The following POU6F2 variants were observed in gnomAD, a reference collection of about 807,000 sequenced individuals.
POU6F2 encodes the protein POU domain, class 6, transcription factor 2.
In POU6F2, 31 loss-of-function variants were observed where a neutral mutation model predicts 71.3. That is an observed-to-expected ratio of 0.43 (90% CI 0.33 to 0.59). POU6F2 has a LOEUF of 0.59. POU6F2 is among the 20% of genes least tolerant of loss of function. The pLI is 0.04. For synonymous variants in POU6F2, 347 were observed against 355.7 expected (o/e 0.98, Z 0.27); for missense variants, 783 against 856.8 (o/e 0.91, Z 1.07).
At chr7:39,200,531 C>T (rs530042354) in intron 2 of POU6F2, among the ~76,000 whole-genome samples, 5 of 152,178 alleles carry the variant, frequency 3.3e-5, no homozygotes, top group South Asian at 4.1e-4. Flanking sequence ...ACTATTTAGT[C>T]GAGTTCCAAA....
intron 4 of POU6F2, among the ~76,000 whole-genome samples, chr7:39,224,523 T>C (rs1431783629): frequency 6.6e-6 from 1 of 152,200 alleles, no homozygotes; most frequent in Non-Finnish European, 1.5e-5. Flanking sequence ...AGCAGAATGC[T>C]ACTGAGAGTT....
At chr7:39,054,552 T>A (rs1411889578) in intron 1 of POU6F2, among the ~76,000 whole-genome samples, 1 of 152,090 alleles carries the variant, frequency 6.6e-6, no homozygotes, top group Non-Finnish European at 1.5e-5. Flanking sequence ...AAAGTAAATG[T>A]GAATGAATAC....
intron 1 of POU6F2, among the ~76,000 whole-genome samples, chr7:39,031,339 A>C (rs1294634117): frequency 1.3e-5 from 2 of 152,172 alleles, no homozygotes; most frequent in East Asian, 3.9e-4. Context: ...ATTTTGTTGG[A>C]AGTTTAGTAC....
chr7:39,396,200 A>G (rs941425603), intron 5 of POU6F2, among the ~76,000 whole-genome samples: 2 of 152,250 alleles, frequency 1.3e-5, no homozygotes, highest in African/African-American at 4.8e-5. Flanking sequence ...GTGTGTCTCC[A>G]TAATGCTGAC....
chr7:39,457,475 C>T (rs2116148576), intron 8 of POU6F2, among the ~76,000 whole-genome samples: 1 of 152,322 alleles, frequency 6.6e-6, no homozygotes, highest in East Asian at 1.9e-4. Flanking sequence ...GGAGCCCCTC[C>T]TCAACAGACC....
At chr7:39,023,931 T>G (rs1236787477) in intron 1 of POU6F2, among the ~76,000 whole-genome samples, 1 of 152,234 alleles carries the variant, frequency 6.6e-6, no homozygotes, top group South Asian at 2.1e-4. Context: ...ACACTAAAAC[T>G]TCTTTTGAGT....
intron 4 of POU6F2, among the ~76,000 whole-genome samples, chr7:39,324,127 A>C (rs1247627862): frequency 6.6e-6 from 1 of 152,052 alleles, no homozygotes. Flanking sequence ...AAAAGAAAAA[A>C]AAAAGGCTCT....
rs1424039411 is a variant in POU6F2 at position 39,467,951 on chromosome 7, T to C, written c.*3265T>C. ...CTCGCAATACTAAACTGTTCCTATTTTAAGAAAAAAAAAAGAAATACAAAC... is the reference window on the plus strand; with the variant it reads ...CTCGCAATACTAAACTGTTCCTATTCTAAGAAAAAAAAAAGAAATACAAAC... On this transcript the variant is annotated 3_prime_UTR_variant, in exon 10 of 10. Transcript: ENST00000518318. 2 of 152,008 alleles carry C rather than the reference T, an allele frequency of 1.3e-5. No individual in the cohort carries two copies. Among genetic ancestry groups the C allele is most frequent in the Non-Finnish European group, 2.9e-5 (2 of 68,000 alleles). 9.4% of individuals were successfully genotyped at this position (152,008 alleles called of 1,614,324 possible).
intron 6 of POU6F2, among the ~76,000 whole-genome samples, chr7:39,423,162 G>A (rs913679933): frequency 1.4e-4 from 22 of 152,144 alleles, no homozygotes; most frequent in African/African-American, 5.3e-4. Flanking sequence ...TAAAGTCATT[G>A]ACAGTTGCAG....
chr7:39,385,976 G>A (rs544423019), intron 5 of POU6F2, among the ~76,000 whole-genome samples: 1 of 152,226 alleles, frequency 6.6e-6, no homozygotes, highest in East Asian at 1.9e-4. Context: ...TAATTAGCCA[G>A]GTGTGGTGGC....
intron 1 of POU6F2, among the ~76,000 whole-genome samples, chr7:39,049,534 A>G (rs1790363257): frequency 6.6e-6 from 1 of 151,946 alleles, no homozygotes; most frequent in African/African-American, 2.4e-5. Flanking sequence ...ACTTTATATT[A>G]TTTCAATCCT....
At chr7:39,069,490 T>C (rs953620945) in intron 1 of POU6F2, among the ~76,000 whole-genome samples, 1 of 152,186 alleles carries the variant, frequency 6.6e-6, no homozygotes, top group Non-Finnish European at 1.5e-5. Context: ...GATTTTATTT[T>C]AGCTGAAGGA....
chr7:39,404,520 ATACT>A (rs1420155668), intron 5 of POU6F2: 2 of 152,228 alleles, frequency 1.3e-5, no homozygotes, highest in African/African-American at 4.8e-5. Flanking sequence ...CTGTATGTAG[ATACT>A]TAAATTGTTC....
chr7:39,440,062 G>A (rs1308773475), intron 7 of POU6F2, among the ~76,000 whole-genome samples: 1 of 152,210 alleles, frequency 6.6e-6, no homozygotes, highest in African/African-American at 2.4e-5. Flanking sequence ...CTGTTAGTGG[G>A]ATGGGCTTCC....
intron 4 of POU6F2, among the ~76,000 whole-genome samples, chr7:39,250,981 C>T (rs896291506): frequency 6.6e-6 from 1 of 152,174 alleles, no homozygotes; most frequent in Non-Finnish European, 1.5e-5. Context: ...CACCTTGAGG[C>T]CTGCTAACCT....
chr7:39,065,193 G>A (rs1049796386), intron 1 of POU6F2, among the ~76,000 whole-genome samples: 1 of 151,602 alleles, frequency 6.6e-6, no homozygotes, highest in African/African-American at 2.4e-5. Context: ...CAAAAACACA[G>A]TCTCTTCCAT....
chr7:39,349,302 T>C (rs766145173), intron 5 of POU6F2, among the ~76,000 whole-genome samples: 1 of 152,154 alleles, frequency 6.6e-6, no homozygotes, highest in Admixed American at 6.5e-5. Context: ...CTCTTCCAGA[T>C]AGTCCTCCCT....
intron 2 of POU6F2, among the ~76,000 whole-genome samples, chr7:39,150,225 C>CTGTGTGTGTGTG (rs60761447): frequency 0.029 from 4,071 of 141,194 alleles, 112 homozygotes; most frequent in East Asian, 0.1. Context: ...AGTAATATGT[C>CTGTGTGTGTGTG]TGTGTGTGTG....
rs1219352101 is a variant in POU6F2 at position 39,015,850 on chromosome 7, TA to T, written c.105+37793del. On this transcript the variant is annotated intron_variant, in intron 1 of 9. Coordinates refer to ENST00000518318, the MANE Select transcript of POU6F2 (RefSeq NM_001370959.1). The stretch of plus-strand genomic sequence containing the variant: ...ATATAGATATATAATATATTATATA[TA>T]GATATATATAATATATTATATATAG... Among the ~76,000 whole-genome samples the T allele has an allele frequency of 4.7e-4, 22 of 46,632 alleles. 1 individual carries two copies. Among genetic ancestry groups the T allele is most frequent in the African/African-American group, 1.1e-3 (19 of 16,546 alleles). 30.6% of individuals were successfully genotyped at this position (46,632 alleles called of 152,430 possible).
Sources: gnomAD v4.1 joint callset for allele counts (sites outside exome capture counted in the v4.1 genomes callset) on GRCh38, gnomAD v4.1.1 for gene constraint, MANE v1.5 for transcripts, NCBI Gene and HGNC (gene_info 2026-07-23, HGNC 2026-07-21) for gene names.